Variants in RAPGEF4 observed in about 807,000 individuals in gnomAD.
RAPGEF4 encodes Rap guanine nucleotide exchange factor 4, also known as RAP guanine-nucleotide-exchange factor (GEF) 4.
In RAPGEF4, 66 loss-of-function variants were observed where a neutral mutation model predicts 147.9. The ratio of observed to expected loss-of-function variants is 0.45; its 90% CI spans 0.37 to 0.55. The LOEUF (loss-of-function observed/expected upper bound fraction) is 0.55, where lower values mean the gene tolerates loss of function less well. Ranked by LOEUF, RAPGEF4 falls within the 20% of genes least tolerant of loss-of-function variation. RAPGEF4 has a pLI of 0.00. For synonymous variants in RAPGEF4, 419 were observed against 442.7 expected (o/e 0.95, Z 0.67); for missense variants, 1,071 against 1,257.3 (o/e 0.85, Z 2.24).
At chr2:173,050,757 CAAAA>C (rs34661805) in intron 30 of RAPGEF4, among the ~76,000 whole-genome samples, 60 of 120,062 alleles carry the variant, frequency 5.0e-4, no homozygotes, top group African/African-American at 1.8e-3. Flanking sequence ...CATTTCTTAA[CAAAA>C]AAAAAAAAAA....
At chr2:172,986,949 T>C (rs1692326162) in intron 12 of RAPGEF4, among the ~76,000 whole-genome samples, 1 of 152,202 alleles carries the variant, frequency 6.6e-6, no homozygotes, top group Non-Finnish European at 1.5e-5. Flanking sequence ...CTGCCCGCCG[T>C]GGCCTCCCAA....
intron 6 of RAPGEF4, among the ~76,000 whole-genome samples, chr2:172,948,605 A>G (rs1687912482): frequency 6.6e-6 from 1 of 152,210 alleles, no homozygotes; most frequent in Non-Finnish European, 1.5e-5. Context: ...GTGTTTTCCC[A>G]TGGAATACTA....
In RAPGEF4 at chr2:173,036,196, G is replaced by A. The variant is rs1304428925; in HGVS notation, c.2772G>A (p.Met924Ile). ...AKLEPPLIPF[M>I]PLLIKDMTFT... ...TGGAACCTCCTCTCATCCCCTTCAT[G>A]CCTTTGCTCATTAAAGGTAATCCTA... The change falls in exon 28 of 31, where the codon ATG becomes ATA. Residue 924 changes from methionine (M) to isoleucine (I), a missense_variant. Transcript: ENST00000397081. The A allele has an allele frequency of 6.2e-7, 1 of 1,610,180 alleles. No individual in the cohort carries two copies. The highest frequency in any genetic ancestry group is 1.1e-5 in the South Asian group (1 of 90,968).
intron 5 of RAPGEF4, among the ~76,000 whole-genome samples, chr2:172,919,803 C>T (rs1007466921): frequency 3.9e-5 from 6 of 152,196 alleles, no homozygotes; most frequent in Admixed American, 6.5e-5. Context: ...CTGGAGAGGC[C>T]GGTTTCTGAC....
At chr2:173,049,129 T>G (rs1685871756) in intron 30 of RAPGEF4, among the ~76,000 whole-genome samples, 1 of 152,316 alleles carries the variant, frequency 6.6e-6, no homozygotes, top group Admixed American at 6.5e-5. Context: ...TCGTAAAAGG[T>G]CCAAAAACAG....
intron 4 of RAPGEF4, among the ~76,000 whole-genome samples, chr2:172,857,512 G>A (rs1693563865): frequency 6.6e-6 from 1 of 152,188 alleles, no homozygotes; most frequent in African/African-American, 2.4e-5. Context: ...TGAGCTCTTG[G>A]TTAACTACAA....
chr2:172,886,945 T>C (rs192929076), intron 4 of RAPGEF4, among the ~76,000 whole-genome samples: 12 of 152,256 alleles, frequency 7.9e-5, no homozygotes, highest in Admixed American at 6.5e-4. Flanking sequence ...CCCAGCACTT[T>C]GGGAGGCCAA....
At chr2:172,764,420 A>C (rs1367171778) in intron 1 of RAPGEF4, among the ~76,000 whole-genome samples, 1 of 152,218 alleles carries the variant, frequency 6.6e-6, no homozygotes. Context: ...GTACCATCCC[A>C]AAATCCTGGA....
At chr2:172,855,867 C>G (rs1693360032) in intron 4 of RAPGEF4, among the ~76,000 whole-genome samples, 1 of 152,052 alleles carries the variant, frequency 6.6e-6, no homozygotes, top group African/African-American at 2.4e-5. Flanking sequence ...CCCCTGGTTG[C>G]TTTTAAGTTT....
At chr2:173,035,204 A>T (rs544644241) in intron 27 of RAPGEF4, among the ~76,000 whole-genome samples, 1 of 151,640 alleles carries the variant, frequency 6.6e-6, no homozygotes, top group South Asian at 2.1e-4. Flanking sequence ...ATAATTTTTT[A>T]TTTTTTAAAA....
chr2:172,958,337 G>T (rs1308766956), intron 6 of RAPGEF4, among the ~76,000 whole-genome samples: 1 of 152,210 alleles, frequency 6.6e-6, no homozygotes, highest in Admixed American at 6.5e-5. Flanking sequence ...ACCAACCTGT[G>T]TAATGAAAAG....
chr2:172,785,237 T>G (rs1370137116), intron 1 of RAPGEF4, among the ~76,000 whole-genome samples: 1 of 152,262 alleles, frequency 6.6e-6, no homozygotes, highest in Non-Finnish European at 1.5e-5. Flanking sequence ...ATTGAGATTG[T>G]AGAGTACATA....
intron 1 of RAPGEF4, among the ~76,000 whole-genome samples, chr2:172,753,757 A>G (rs1308410122): frequency 6.6e-6 from 1 of 152,140 alleles, no homozygotes; most frequent in Non-Finnish European, 1.5e-5. Flanking sequence ...TATCTGAGAC[A>G]GCACTATGAC....
At chr2:172,910,644 C>T (rs1700001064) in intron 4 of RAPGEF4, among the ~76,000 whole-genome samples, 1 of 152,236 alleles carries the variant, frequency 6.6e-6, no homozygotes, top group Admixed American at 6.5e-5. Flanking sequence ...GGGCTGGAAT[C>T]ATTTGGAGGC....
chr2:172,787,680 C>T (rs1002919801), intron 1 of RAPGEF4, among the ~76,000 whole-genome samples: 14 of 151,734 alleles, frequency 9.2e-5, no homozygotes, highest in African/African-American at 1.5e-4. Context: ...AGTGCAGTGG[C>T]GTGATCATGG....
At chr2:172,986,937 A>G (rs1223067277) in intron 12 of RAPGEF4, among the ~76,000 whole-genome samples, 1 of 152,096 alleles carries the variant, frequency 6.6e-6, no homozygotes, top group Non-Finnish European at 1.5e-5. Flanking sequence ...AGTTCAAGTG[A>G]TCTGCCCGCC....
At chr2:172,798,150 A>G (rs1686577216) in intron 3 of RAPGEF4, among the ~76,000 whole-genome samples, 1 of 152,124 alleles carries the variant, frequency 6.6e-6, no homozygotes, top group South Asian at 2.1e-4. Flanking sequence ...TTTTCCCTCT[A>G]AAGTACAGCA....
intron 4 of RAPGEF4, among the ~76,000 whole-genome samples, chr2:172,883,395 G>A (rs1696836603): frequency 6.6e-6 from 1 of 152,122 alleles, no homozygotes; most frequent in Admixed American, 6.5e-5. Context: ...CCATTCATGA[G>A]GTGGAGCCCT....
chr2:172,893,674 C>A (rs538563682), intron 4 of RAPGEF4: 337 of 152,296 alleles, frequency 2.2e-3, no homozygotes, highest in African/African-American at 7.5e-3. Flanking sequence ...TTATTCACAG[C>A]AAATCTTAAC....
Sources: allele counts gnomAD v4.1 joint callset (sites outside exome capture counted in the v4.1 genomes callset), GRCh38; gene constraint gnomAD v4.1.1; transcripts MANE v1.5; gene names NCBI Gene and HGNC (gene_info 2026-07-23, HGNC 2026-07-21).